CABIN1: variants seen among roughly 807,000 people sequenced by gnomAD.
CABIN1 encodes the protein calcineurin binding protein 1.
A neutral mutation model predicts 227.7 loss-of-function variants in CABIN1; 133 were observed. The observed-to-expected ratio is 0.58, with a 90% CI of 0.51 to 0.67. The LOEUF (loss-of-function observed/expected upper bound fraction) is 0.67. Ranked by LOEUF, CABIN1 falls within the 30% of genes least tolerant of loss-of-function variation. CABIN1 has a pLI of 0.00. For synonymous variants in CABIN1, 1,086 were observed against 1,155.1 expected (o/e 0.94, Z 1.21); for missense variants, 2,408 against 2,852.5 (o/e 0.84, Z 3.55).
chr22:24,062,000 G>A lies in CABIN1; in HGVS notation c.1671G>A (p.Leu557=), dbSNP rs2146428185. ...SCMELQLDQW[L]LTKGRSSAVS... ...TGGAACTCCAGCTGGACCAGTGGCT[G>A]CTGACCAAAGGCAGAAGCTCTGCAG... is the stretch of plus-strand genomic sequence containing the variant. The change falls in exon 13 of 37, where the codon CTG becomes CTA. Residue 557 remains leucine, a synonymous_variant. Coordinates refer to ENST00000263119, the MANE Select transcript of CABIN1 (RefSeq NM_012295.4). 1 of 1,613,962 alleles carries A rather than the reference G, an allele frequency of 6.2e-7. No homozygotes were observed. Among genetic ancestry groups the A allele is most frequent in the Non-Finnish European group, 8.5e-7 (1 of 1,179,958 alleles).
chr22:24,070,947 A>G lies in CABIN1; in HGVS notation c.2380A>G (p.Ile794Val), dbSNP rs1224155129. Residue 794 changes from isoleucine to valine, a missense_variant, in exon 17 of 37, where the codon ATC (isoleucine) becomes GTC (valine). Transcript: ENST00000263119. The part of the protein sequence containing the change: ...VATVTQLLMG[I>V]EQALSADSSG... ...CACAGTGACCCAACTGCTGATGGGCATCGAGCAGGCCCTCTCTGCGGACAG... is the reference window on the plus strand; with the variant it reads ...CACAGTGACCCAACTGCTGATGGGCGTCGAGCAGGCCCTCTCTGCGGACAG... 1.9e-6 allele frequency: 3 copies of G among 1,614,114 alleles called. No homozygotes were observed. The highest frequency in any genetic ancestry group is 2.5e-6 in the Non-Finnish European group (3 of 1,180,044).
At chr22:24,123,185 C>T (rs1254462687) in intron 28 of CABIN1, among the ~76,000 whole-genome samples, 2 of 152,156 alleles carry the variant, frequency 1.3e-5, no homozygotes, top group Non-Finnish European at 2.9e-5. Context: ...GCTGTCTGCA[C>T]CATTGATGTC....
At chr22:24,120,766 T>C (rs1023355747) in intron 28 of CABIN1, among the ~76,000 whole-genome samples, 12 of 152,090 alleles carry the variant, frequency 7.9e-5, no homozygotes, top group African/African-American at 2.7e-4. Flanking sequence ...TGAGCCAAGA[T>C]TGGGCCACTG....
intron 10 of CABIN1, among the ~76,000 whole-genome samples, chr22:24,058,612 TC>T (rs1569141687): frequency 6.6e-6 from 1 of 152,296 alleles, no homozygotes; most frequent in East Asian, 1.9e-4. Flanking sequence ...TCCCCCAAAC[TC>T]CCACCTATCT....
At chr22:24,169,497 G>T (rs979782800) in intron 33 of CABIN1, among the ~76,000 whole-genome samples, 9 of 152,206 alleles carry the variant, frequency 5.9e-5, no homozygotes, top group Non-Finnish European at 1.3e-4. Context: ...AGCAGGCTGT[G>T]GGCCAGACGA....
chr22:24,116,444 C>T (rs919601994), intron 27 of CABIN1, among the ~76,000 whole-genome samples: 5 of 152,202 alleles, frequency 3.3e-5, no homozygotes, highest in African/African-American at 1.2e-4. Flanking sequence ...GCCCATGCAC[C>T]ACATGCAGGA....
chr22:24,054,816 G>C, intron 8 of CABIN1, 57 bp from the exon 9 acceptor site: 2 of 1,611,940 alleles, frequency 1.2e-6, no homozygotes, highest in Non-Finnish European at 1.7e-6. Flanking sequence ...TTTCCACTAT[G>C]CTTGGAGTAT....
chr22:24,149,564 T>G (rs1238555499), intron 29 of CABIN1, among the ~76,000 whole-genome samples: 2 of 152,194 alleles, frequency 1.3e-5, no homozygotes, highest in African/African-American at 4.8e-5. Context: ...ATCGTAGGAA[T>G]TTGATTTATT....
intron 24 of CABIN1, among the ~76,000 whole-genome samples, chr22:24,094,688 G>A (rs2041770431): frequency 6.6e-6 from 1 of 150,830 alleles, no homozygotes; most frequent in Admixed American, 6.6e-5. Flanking sequence ...GCGGTGGCGG[G>A]CGCCTGTAGT....
At chr22:24,136,037 A>G (rs914155311) in intron 29 of CABIN1, among the ~76,000 whole-genome samples, 1 of 152,180 alleles carries the variant, frequency 6.6e-6, no homozygotes, top group African/African-American at 2.4e-5. Flanking sequence ...CATGATACCA[A>G]GGGATTTGCT....
chr22:24,125,888 A>G (rs1458683990), intron 28 of CABIN1, among the ~76,000 whole-genome samples: 2 of 152,192 alleles, frequency 1.3e-5, no homozygotes, highest in East Asian at 3.9e-4. Flanking sequence ...TGAAGATTCT[A>G]CTGGGCCCTT....
chr22:24,096,108 CT>C, intron 25 of CABIN1, 26 bp downstream of exon 25: 1 of 1,613,548 alleles, frequency 6.2e-7, no homozygotes, highest in Non-Finnish European at 8.5e-7. Flanking sequence ...CAGGCGACCC[CT>C]AGCAGCTTAC....
chr22:24,014,185 AT>A (rs577538064), intron 1 of CABIN1, among the ~76,000 whole-genome samples: 1 of 152,252 alleles, frequency 6.6e-6, no homozygotes, highest in South Asian at 2.1e-4. Context: ...AAAGGTAATT[AT>A]TTCTCTCTTT....
Position 24,165,518 on chromosome 22 carries a change from G to T in CABIN1, c.4911-12G>T. ...CCTCCTGTCCTCTCTGACTACCCCTGTATGACCGCAGGAAGTATCTGCGAG... is the reference window on the plus strand; with the variant it reads ...CCTCCTGTCCTCTCTGACTACCCCTTTATGACCGCAGGAAGTATCTGCGAG... On this transcript the variant is annotated splice_polypyrimidine_tract_variant and intron_variant, in intron 30 of 36. Coordinates refer to ENST00000263119, the MANE Select transcript of CABIN1 (RefSeq NM_012295.4). 6.2e-7 allele frequency: 1 copy of T among 1,610,620 alleles called. No individual in the cohort carries two copies. Among genetic ancestry groups the T allele is most frequent in the Non-Finnish European group, 8.5e-7 (1 of 1,178,932 alleles).
In CABIN1 at chr22:24,086,282, G is replaced by C. The variant is rs1221308081; in HGVS notation, c.3263+1131G>C. Among the ~76,000 whole-genome samples the C allele has an allele frequency of 2.0e-5, 3 of 152,224 alleles. No homozygotes were observed. The East Asian group carries it at 5.8e-4, about 29-fold the overall frequency. ...CCCTACTTCCACATCTGAAAAGTGAGGGTGATAAAACCCACCTGTCTTTGC... is the reference window on the plus strand; with the variant it reads ...CCCTACTTCCACATCTGAAAAGTGACGGTGATAAAACCCACCTGTCTTTGC... On this transcript the variant is annotated intron_variant, in intron 22 of 36. Transcript: ENST00000263119.
At chr22:24,154,022 A>C (rs186242184) in intron 29 of CABIN1, among the ~76,000 whole-genome samples, 10 of 151,846 alleles carry the variant, frequency 6.6e-5, no homozygotes, top group African/African-American at 2.2e-4. Flanking sequence ...TATCCACTCT[A>C]CTCTTTCTGT....
intron 12 of CABIN1, among the ~76,000 whole-genome samples, chr22:24,061,648 T>G (rs748312794): frequency 1.3e-5 from 2 of 152,184 alleles, no homozygotes; most frequent in Non-Finnish European, 2.9e-5. Flanking sequence ...GTTCTATAAT[T>G]TGGATGCAGT....
chr22:24,100,900 T>TG (rs1260466761), intron 26 of CABIN1, among the ~76,000 whole-genome samples: 5 of 152,258 alleles, frequency 3.3e-5, no homozygotes, highest in Non-Finnish European at 5.9e-5. Flanking sequence ...ACCTCCTGGA[T>TG]GGAGTTCTCC....
chr22:24,015,446 G>A (rs1321423250), intron 1 of CABIN1, among the ~76,000 whole-genome samples: 1 of 150,370 alleles, frequency 6.7e-6, no homozygotes, highest in Non-Finnish European at 1.5e-5. Context: ...CCGGGTTCAC[G>A]CCGTTCTGCT....
Sources: gnomAD v4.1 joint callset for allele counts (sites outside exome capture counted in the v4.1 genomes callset) on GRCh38, gnomAD v4.1.1 for gene constraint, MANE v1.5 for transcripts, NCBI Gene and HGNC (gene_info 2026-07-23, HGNC 2026-07-21) for gene names.